GABRA1: variants seen among roughly 807,000 people sequenced by gnomAD.
The protein encoded by GABRA1 is gamma-aminobutyric acid receptor subunit alpha-1.
Under a neutral mutation model 48.9 loss-of-function variants are expected in GABRA1, and 9 were observed. The ratio of observed to expected loss-of-function variants is 0.18; its 90% confidence interval spans 0.11 to 0.32. The LOEUF (loss-of-function observed/expected upper bound fraction) is 0.32. Ranked by LOEUF, GABRA1 falls within the 10% of genes least tolerant of loss-of-function variation. The probability of loss-of-function intolerance (pLI) is 1.00; values close to 1 mark genes in which losing one functional copy is unlikely to be tolerated. For missense variants in GABRA1, 285 were observed against 553.8 expected (o/e 0.51, Z 4.87); for synonymous variants, 210 against 198.7 (o/e 1.06, Z -0.48).
intron 8 of GABRA1, among the ~76,000 whole-genome samples, chr5:161,894,788 T>C (rs1231786039): frequency 6.6e-6 from 1 of 152,144 alleles, no homozygotes; most frequent in Non-Finnish European, 1.5e-5. Context: ...ATCTTTCTCA[T>C]ACTAACATAT....
At chr5:161,896,723 C>A (rs1481841827) in intron 9 of GABRA1, among the ~76,000 whole-genome samples, 3 of 152,072 alleles carry the variant, frequency 2.0e-5, no homozygotes, top group Admixed American at 2.0e-4. Context: ...AAATTTAGTT[C>A]TTTGTTGATG....
chr5:161,871,856 T>G (rs992754218), intron 4 of GABRA1, among the ~76,000 whole-genome samples: 1 of 152,152 alleles, frequency 6.6e-6, no homozygotes, highest in Non-Finnish European at 1.5e-5. Context: ...TGGTGCATTA[T>G]AATACATTTA....
chr5:161,892,992 G>A (rs893591688), intron 8 of GABRA1, among the ~76,000 whole-genome samples: 5 of 133,898 alleles, frequency 3.7e-5, no homozygotes, highest in Non-Finnish European at 6.3e-5. Flanking sequence ...GCAACAGAGC[G>A]AGACTCCTTC....
intron 1 of GABRA1, chr5:161,848,684 C>T (rs192317017): frequency 4.4e-4 from 110 of 250,656 alleles, no homozygotes; most frequent in Non-Finnish European, 6.6e-4. Flanking sequence ...TTATTTTTTT[C>T]CCGCTGTCTT....
chr5:161,888,485 T>C (rs1033991098), intron 7 of GABRA1, among the ~76,000 whole-genome samples: 2 of 152,190 alleles, frequency 1.3e-5, no homozygotes, highest in Admixed American at 6.5e-5. Flanking sequence ...TCTCCAAAAA[T>C]TATATTCTTT....
chr5:161,893,048 T>TAAAAATAAA (rs3078113), intron 8 of GABRA1, among the ~76,000 whole-genome samples: 1 of 141,994 alleles, frequency 7.0e-6, no homozygotes, highest in Non-Finnish European at 1.5e-5. Context: ...ATAATAATAA[T>TAAAAATAAA]AAAATAAACA....
intron 2 of GABRA1, among the ~76,000 whole-genome samples, chr5:161,852,034 G>T (rs1757465120): frequency 6.6e-6 from 1 of 152,038 alleles, no homozygotes; most frequent in Non-Finnish European, 1.5e-5. Context: ...AATACAAAAT[G>T]AATAAGCATC....
rs76926384 is a variant in GABRA1, at chr5:161,876,349, C to T, written c.559+707C>T. On this transcript the variant is annotated intron_variant, in intron 6 of 9. Transcript: ENST00000393943. ...CTCCGGTCTTTTCTTTACCCTTCTG[C>T]TTTCAACTGGTTTACATGCATGGAG... is the stretch of plus-strand genomic sequence containing the variant. Among the ~76,000 whole-genome samples the T allele has an allele frequency of 1.6e-3, 244 of 152,206 alleles. 1 individual carries two copies. Among genetic ancestry groups the T allele is most frequent in the African/African-American group, 5.7e-3 (237 of 41,546 alleles).
intron 1 of GABRA1, chr5:161,848,750 T>C: frequency 3.5e-6 from 1 of 286,580 alleles, no homozygotes; most frequent in Non-Finnish European, 6.9e-6. Context: ...GCAGGGTGGG[T>C]GGTGGCATGT....
At chr5:161,892,170 A>C (rs2113450846) in intron 8 of GABRA1, among the ~76,000 whole-genome samples, 1 of 152,278 alleles carries the variant, frequency 6.6e-6, no homozygotes, top group Admixed American at 6.5e-5. Flanking sequence ...CTTCATTTGG[A>C]AATCACCACT....
rs371179392 is a variant in GABRA1, at chr5:161,872,137, T to G, written c.256-980T>G. ...TAGTATGATGTTTTCAAGTTAGTTC[T>G]CTTTCTGGTTTGGAGTATACTTAGA... On this transcript the variant is annotated intron_variant, in intron 4 of 9. Coordinates refer to ENST00000393943, the MANE Select transcript of GABRA1 (RefSeq NM_001127644.2). 25 of 152,768 alleles carry G rather than the reference T, an allele frequency of 1.6e-4. No individual in the cohort carries two copies. The South Asian group carries it at 5.2e-3, about 32-fold the overall frequency. The allele number at this position is 152,768 out of a possible 1,614,324, so 9.5% of individuals were successfully genotyped here.
At chr5:161,865,969 G>T (rs935685540) in intron 4 of GABRA1, among the ~76,000 whole-genome samples, 181 bp downstream of exon 4, 2 of 151,900 alleles carry the variant, frequency 1.3e-5, no homozygotes, top group Non-Finnish European at 1.5e-5. Context: ...ATACTCATTT[G>T]CATTCCAGAT....
At chr5:161,863,118 G>C (rs538045832) in intron 3 of GABRA1, among the ~76,000 whole-genome samples, 1 of 151,664 alleles carries the variant, frequency 6.6e-6, no homozygotes, top group Non-Finnish European at 1.5e-5. Flanking sequence ...ACAGATACCT[G>C]TTGTCTGGGA....
intron 3 of GABRA1, 88 bp from the exon 4 acceptor site, chr5:161,865,633 A>G (rs773468953): frequency 3.6e-5 from 37 of 1,034,138 alleles, no homozygotes; most frequent in Admixed American, 5.1e-5. Flanking sequence ...AAGACAATCA[A>G]TTTCCCATTT....
intron 3 of GABRA1, among the ~76,000 whole-genome samples, chr5:161,860,919 T>C (rs1757831805): frequency 6.6e-6 from 1 of 151,916 alleles, no homozygotes; most frequent in South Asian, 2.1e-4. Context: ...CCTGTGTTGA[T>C]TCCAGATCCA....
At chr5:161,887,257 G>T (rs548158975) in intron 7 of GABRA1, among the ~76,000 whole-genome samples, 1 of 152,058 alleles carries the variant, frequency 6.6e-6, no homozygotes, top group Non-Finnish European at 1.5e-5. Flanking sequence ...ACACAGAGTC[G>T]TCTCTGCATG....
Position 161,890,932 on chromosome 5 carries a change from G to A in GABRA1, c.738G>A (p.Leu246=). 1 of 1,613,412 alleles carries A rather than the reference G, an allele frequency of 6.2e-7. No individual in the cohort carries two copies. The highest frequency in any genetic ancestry group is 8.5e-7 in the Non-Finnish European group (1 of 1,179,474). The change falls in exon 8 of 10, where the codon TTG becomes TTA. Residue 246 remains leucine, a synonymous_variant. Transcript: ENST00000393943. ...EYVVMTTHFH[L]KRKIGYFVIQ... ...TTGTTATGACCACTCATTTCCACTT[G>A]AAGAGAAAGATTGGCTACTTTGTTA...
chr5:161,853,092 G>T (rs1213159028), intron 2 of GABRA1, among the ~76,000 whole-genome samples: 1 of 151,776 alleles, frequency 6.6e-6, no homozygotes, highest in African/African-American at 2.4e-5. Context: ...TCAGAACTAT[G>T]ATTGAAATAT....
intron 4 of GABRA1, among the ~76,000 whole-genome samples, chr5:161,866,228 G>T (rs1319191217): frequency 6.6e-6 from 1 of 152,014 alleles, no homozygotes; most frequent in Non-Finnish European, 1.5e-5. Flanking sequence ...GAGTGTAAAA[G>T]TTGGCCAGAA....
Sources: allele counts gnomAD v4.1 joint callset (sites outside exome capture counted in the v4.1 genomes callset), GRCh38; gene constraint gnomAD v4.1.1; transcripts MANE v1.5; gene names NCBI Gene and HGNC (gene_info 2026-07-23, HGNC 2026-07-21).